RRM1: variants seen among roughly 807,000 people sequenced by gnomAD.
RRM1 encodes the protein ribonucleoside-diphosphate reductase large subunit.
RRM1 carries 19 observed loss-of-function variants against 101.5 expected under a neutral mutation model. The observed-to-expected ratio is 0.19, with a 90% CI of 0.13 to 0.27. The LOEUF (loss-of-function observed/expected upper bound fraction) is 0.27, where lower values mean the gene tolerates loss of function less well. Ranked by LOEUF, RRM1 falls within the 10% of genes least tolerant of loss-of-function variation. RRM1 has a pLI of 1.00. For synonymous variants in RRM1, 298 were observed against 323.4 expected, an observed-to-expected ratio of 0.92 and a Z score of 0.84; for missense variants, 500 against 962.9, an observed-to-expected ratio of 0.52 and a Z score of 6.36.
intron 7 of RRM1, among the ~76,000 whole-genome samples, chr11:4,112,865 G>T (rs891583802): frequency 1.2e-4 from 19 of 152,178 alleles, no homozygotes; most frequent in African/African-American, 3.9e-4. Flanking sequence ...ACTTTGGAAG[G>T]CTGAGGTGGG....
upstream of RRM1, chr11:4,094,772 A>G (rs960582148): frequency 1.7e-5 from 10 of 584,976 alleles, no homozygotes; most frequent in African/African-American, 1.5e-4. Context: ...CGCAGCGTCG[A>G]GTAACGTCAT....
At chr11:4,099,309 T>TTTTTTTTTTTTTG (rs773799112) in intron 1 of RRM1, 1 of 137,674 alleles carries the variant, frequency 7.3e-6, no homozygotes, top group African/African-American at 2.7e-5. Flanking sequence ...TTTTTTTTTT[T>TTTTTTTTTTTTTG]TTTTTGTATT....
chr11:4,122,227 GA>G lies in RRM1; in HGVS notation c.1118+12del. 2.6e-6 allele frequency: 4 copies of G among 1,563,760 alleles called. No homozygotes were observed. Among genetic ancestry groups the G allele is most frequent in the African/African-American group, 1.4e-5 (1 of 73,876 alleles). ...TTGAGAAACTATATGCAAGGTATGGGAAAAATATGAAAGAAAACAATAATGT... is the reference window on the plus strand; with the variant it reads ...TTGAGAAACTATATGCAAGGTATGGGAAAATATGAAAGAAAACAATAATGT... On this transcript the variant is annotated splice_region_variant and intron_variant, in intron 11 of 18. Coordinates refer to ENST00000300738, the MANE Select transcript of RRM1 (RefSeq NM_001033.5).
intron 3 of RRM1, among the ~76,000 whole-genome samples, chr11:4,107,138 C>T (rs1187245286): frequency 9.2e-5 from 14 of 152,138 alleles, no homozygotes; most frequent in Admixed American, 5.9e-4. Flanking sequence ...GTGATCCACC[C>T]GCCTCGGCCT....
chr11:4,119,399 C>G (rs1478583849), intron 8 of RRM1, among the ~76,000 whole-genome samples: 2 of 152,190 alleles, frequency 1.3e-5, no homozygotes, highest in African/African-American at 4.8e-5. Context: ...TGAGAATCTC[C>G]TTTTACCTTA....
intron 13 of RRM1, 77 bp from the exon 14 acceptor site, chr11:4,126,958 G>A: frequency 6.9e-7 from 1 of 1,442,180 alleles, no homozygotes; most frequent in Non-Finnish European, 9.5e-7. Flanking sequence ...GAGGTAGTCT[G>A]TCTCATTTGG....
intron 9 of RRM1, among the ~76,000 whole-genome samples, chr11:4,120,181 TCTCC>T (rs910608356): frequency 2.0e-5 from 3 of 152,162 alleles, no homozygotes; most frequent in African/African-American, 7.2e-5. Context: ...CAAAATCTTT[TCTCC>T]CTCATATACC....
chr11:4,129,415 C>A (rs2094595213), intron 15 of RRM1, among the ~76,000 whole-genome samples: 1 of 152,054 alleles, frequency 6.6e-6, no homozygotes, highest in South Asian at 2.1e-4. Context: ...AGGGACTTAA[C>A]ACACCTAGAT....
intron 2 of RRM1, among the ~76,000 whole-genome samples, chr11:4,103,852 C>T (rs1298980344): frequency 7.4e-6 from 1 of 135,262 alleles, no homozygotes; most frequent in Non-Finnish European, 1.5e-5. Flanking sequence ...TCGTCTTGAA[C>T]TCCTGACCTC....
intron 18 of RRM1, among the ~76,000 whole-genome samples, chr11:4,136,404 G>C (rs11823893): frequency 6.6e-6 from 1 of 151,936 alleles, no homozygotes; most frequent in Non-Finnish European, 1.5e-5. Flanking sequence ...ATTTTTATTA[G>C]AGATGGGGTT....
intron 9 of RRM1, among the ~76,000 whole-genome samples, chr11:4,120,961 A>G (rs766934145): frequency 2.0e-5 from 3 of 152,248 alleles, no homozygotes; most frequent in Non-Finnish European, 4.4e-5. Flanking sequence ...AGGAGGTTGC[A>G]GTGAGCCGAG....
intron 7 of RRM1, among the ~76,000 whole-genome samples, chr11:4,114,696 G>A (rs903451362): frequency 3.0e-4 from 46 of 152,130 alleles, no homozygotes; most frequent in African/African-American, 1.1e-3. Context: ...ACTGTCGTAT[G>A]TGTAGTCCAT....
In RRM1 at chr11:4,094,885, C is replaced by A; in HGVS notation, c.-128C>A. On this transcript the variant is annotated 5_prime_UTR_variant, in exon 1 of 19. Transcript: ENST00000300738. ...TGAAGAAAGTGCTGTCTGGCTCCAA[C>A]TCCAGTTCTTTCCCCTGAGCAGCGC... 1 of 969,878 alleles carries A rather than the reference C, an allele frequency of 1.0e-6. No homozygotes were observed. The highest frequency in any genetic ancestry group is 1.6e-6 in the Non-Finnish European group (1 of 620,344). 60.1% of individuals were successfully genotyped at this position (969,878 alleles called of 1,614,324 possible).
Position 4,096,594 on chromosome 11 carries a change from T to C in RRM1, c.19+1563T>C, listed in dbSNP as rs577489839. 6.6e-5 allele frequency among the ~76,000 whole-genome samples: 10 copies of C among 152,346 alleles called. No individual in the cohort carries two copies. In the South Asian group the frequency reaches 2.1e-3, roughly 32 times the overall value. ...CTGACCAAAGAGCAAAATAACATAG[T>C]GCACTTTTATTGATCCATTCATAAG... On this transcript the variant is annotated intron_variant, in intron 1 of 18. Transcript: ENST00000300738.
At chr11:4,131,747 T>C (rs2094600892) in intron 15 of RRM1, among the ~76,000 whole-genome samples, 1 of 152,250 alleles carries the variant, frequency 6.6e-6, no homozygotes, top group African/African-American at 2.4e-5. Context: ...TTGAAGAATA[T>C]ACTTTGAGCA....
At chr11:4,111,840 C>A in intron 6 of RRM1, 60 bp from the exon 7 acceptor site, 1 of 1,479,640 alleles carries the variant, frequency 6.8e-7, no homozygotes, top group Admixed American at 2.0e-5. Context: ...AATTCAAATA[C>A]GTATCTCAAC....
intron 7 of RRM1, among the ~76,000 whole-genome samples, chr11:4,112,942 G>A (rs1344068938): frequency 1.3e-5 from 2 of 152,010 alleles, no homozygotes; most frequent in Non-Finnish European, 2.9e-5. Flanking sequence ...ACTGTAGCCT[G>A]GGCAACACAG....
At chr11:4,118,299 G>A (rs779180103) in intron 7 of RRM1, 21 bp from the exon 8 acceptor site, 3 of 1,594,348 alleles carry the variant, frequency 1.9e-6, no homozygotes, top group Non-Finnish European at 2.6e-6. Context: ...GCTCTAAGTT[G>A]AGACATTTTT....
At chr11:4,104,636 G>A (rs1236250315) in intron 2 of RRM1, among the ~76,000 whole-genome samples, 1 of 152,126 alleles carries the variant, frequency 6.6e-6, no homozygotes. Context: ...CTGAGCCTCA[G>A]GTTCTTCATG....
Sources: gnomAD v4.1 joint callset for allele counts (sites outside exome capture counted in the v4.1 genomes callset) on GRCh38, gnomAD v4.1.1 for gene constraint, MANE v1.5 for transcripts, NCBI Gene and HGNC (gene_info 2026-07-23, HGNC 2026-07-21) for gene names.